Variants in PTPRM observed in about 807,000 individuals in gnomAD.
The protein encoded by PTPRM is protein tyrosine phosphatase receptor type M, also known as receptor-type tyrosine-protein phosphatase mu.
Under a neutral mutation model 186.7 loss-of-function variants are expected in PTPRM, and 47 were observed. That is an observed-to-expected ratio of 0.25 (90% CI 0.20 to 0.32). The LOEUF (loss-of-function observed/expected upper bound fraction) is 0.32, where lower values mean the gene tolerates loss of function less well. Ranked by LOEUF, PTPRM falls within the 10% of genes least tolerant of loss-of-function variation. PTPRM has a pLI of 1.00. For missense variants in PTPRM, 1,494 were observed against 1,865.0 expected (o/e 0.80, Z 3.66); for synonymous variants, 668 against 674.9 (o/e 0.99, Z 0.16).
intron 14 of PTPRM, among the ~76,000 whole-genome samples, chr18:8,207,556 G>T (rs752390292): frequency 8.5e-5 from 13 of 152,130 alleles, no homozygotes; most frequent in Non-Finnish European, 1.8e-4. Flanking sequence ...GAGAAATGAT[G>T]AAATAAGTGG....
chr18:8,283,939 A>T (rs971262629), intron 19 of PTPRM, among the ~76,000 whole-genome samples: 1 of 152,048 alleles, frequency 6.6e-6, no homozygotes, highest in African/African-American at 2.4e-5. Flanking sequence ...TCTTATTAAT[A>T]CTACTGAATT....
chr18:8,300,205 G>A (rs76855255), intron 20 of PTPRM, among the ~76,000 whole-genome samples: 5,736 of 152,222 alleles, frequency 0.038, 154 homozygotes, highest in East Asian at 0.068. Flanking sequence ...CAGGAGAAGG[G>A]TGAGTGGACG....
At chr18:8,328,265 G>A (rs986259535) in intron 22 of PTPRM, among the ~76,000 whole-genome samples, 25 of 152,340 alleles carry the variant, frequency 1.6e-4, no homozygotes, top group Non-Finnish European at 3.2e-4. Flanking sequence ...GTAGTGGAGG[G>A]TTCTCAGAGC....
intron 20 of PTPRM, among the ~76,000 whole-genome samples, chr18:8,298,102 A>G (rs939359502): frequency 1.3e-5 from 2 of 152,326 alleles, no homozygotes; most frequent in African/African-American, 2.4e-5. Flanking sequence ...GCGCCGTGAC[A>G]CAGGGTTTTG....
intron 1 of PTPRM, among the ~76,000 whole-genome samples, chr18:7,590,045 A>G (rs537546200): frequency 6.6e-6 from 1 of 152,266 alleles, no homozygotes. Flanking sequence ...TATTACATGG[A>G]TCTGGAAACA....
intron 14 of PTPRM, among the ~76,000 whole-genome samples, chr18:8,204,740 A>G (rs1018439596): frequency 6.6e-6 from 1 of 152,116 alleles, no homozygotes; most frequent in African/African-American, 2.4e-5. Flanking sequence ...CTTCATAAGT[A>G]AGCCATATAT....
At chr18:7,662,637 T>C (rs1162977058) in intron 1 of PTPRM, among the ~76,000 whole-genome samples, 1 of 152,054 alleles carries the variant, frequency 6.6e-6, no homozygotes, top group African/African-American at 2.4e-5. Context: ...GAATAAGATC[T>C]AGTATTTGAT....
chr18:8,231,335 A>T (rs2094283505), intron 14 of PTPRM, among the ~76,000 whole-genome samples: 1 of 152,114 alleles, frequency 6.6e-6, no homozygotes, highest in Non-Finnish European at 1.5e-5. Context: ...GGGCCCATCC[A>T]TCCTGCTCCT....
At chr18:7,885,880 C>G (rs561021320) in intron 2 of PTPRM, among the ~76,000 whole-genome samples, 46 of 152,110 alleles carry the variant, frequency 3.0e-4, no homozygotes, top group Non-Finnish European at 6.6e-4. Flanking sequence ...ATTTCCTTAA[C>G]AGTAATGGTA....
intron 27 of PTPRM, among the ~76,000 whole-genome samples, chr18:8,378,634 G>A (rs1378303738): frequency 1.3e-5 from 2 of 152,050 alleles, no homozygotes; most frequent in Non-Finnish European, 1.5e-5. Flanking sequence ...CCCCCTGGGG[G>A]ACAGAAATAC....
chr18:8,361,247 GC>G (rs1568828533), intron 23 of PTPRM, among the ~76,000 whole-genome samples: 1 of 152,126 alleles, frequency 6.6e-6, no homozygotes, highest in African/African-American at 2.4e-5. Context: ...GAGGCATTTA[GC>G]CCTGATTAAT....
chr18:8,063,036 G>A (rs1462264982), intron 7 of PTPRM, among the ~76,000 whole-genome samples: 6 of 151,126 alleles, frequency 4.0e-5, no homozygotes, highest in Non-Finnish European at 7.4e-5. Flanking sequence ...CCTGGGCAAT[G>A]GCGGGCGCCC....
intron 5 of PTPRM, among the ~76,000 whole-genome samples, chr18:7,930,235 A>T (rs2051404107): frequency 6.6e-6 from 1 of 151,830 alleles, no homozygotes; most frequent in African/African-American, 2.4e-5. Context: ...CACCTGGCTA[A>T]TTTTTTGTAT....
chr18:8,305,876 G>T (rs1442621559), intron 20 of PTPRM, among the ~76,000 whole-genome samples: 1 of 151,432 alleles, frequency 6.6e-6, no homozygotes, highest in East Asian at 1.9e-4. Context: ...CAAAGATGTT[G>T]CTTTTATTCA....
intron 1 of PTPRM, among the ~76,000 whole-genome samples, chr18:7,570,248 T>C (rs2036534947): frequency 6.6e-6 from 1 of 152,224 alleles, no homozygotes; most frequent in South Asian, 2.1e-4. Flanking sequence ...ATCAGGGTTT[T>C]GTTTTTTGTT....
chr18:8,133,494 A>G (rs919518563), intron 13 of PTPRM, among the ~76,000 whole-genome samples: 4 of 152,178 alleles, frequency 2.6e-5, no homozygotes, highest in African/African-American at 9.6e-5. Flanking sequence ...AGTTCTGTGC[A>G]AGAGGGGACA....
intron 7 of PTPRM, among the ~76,000 whole-genome samples, chr18:8,004,417 G>C (rs2084054265): frequency 6.6e-6 from 1 of 151,600 alleles, no homozygotes; most frequent in African/African-American, 2.4e-5. Flanking sequence ...CATTTGGCAT[G>C]AGTTCTCATA....
chr18:7,617,228 T>C (rs946697169), intron 1 of PTPRM, among the ~76,000 whole-genome samples: 3 of 152,112 alleles, frequency 2.0e-5, no homozygotes, highest in Admixed American at 6.5e-5. Flanking sequence ...GAGGATTTTA[T>C]GGTTTTAAAG....
At chr18:8,170,205 TG>T (rs1252040881) in intron 14 of PTPRM, among the ~76,000 whole-genome samples, 11 of 152,172 alleles carry the variant, frequency 7.2e-5, no homozygotes, top group African/African-American at 2.7e-4. Context: ...GACCACACGA[TG>T]AATTTGAGGA....
Sources: allele counts gnomAD v4.1 joint callset (sites outside exome capture counted in the v4.1 genomes callset), GRCh38; gene constraint gnomAD v4.1.1; transcripts MANE v1.5; gene names NCBI Gene and HGNC (gene_info 2026-07-23, HGNC 2026-07-21).